KHDRBS2: variants seen among roughly 807,000 people sequenced by gnomAD.
The protein encoded by KHDRBS2 is KH domain-containing, RNA-binding, signal transduction-associated protein 2.
In KHDRBS2, 26 loss-of-function variants were observed where a neutral mutation model predicts 44.3. The ratio of observed to expected loss-of-function variants is 0.59; its 90% CI spans 0.43 to 0.81. The LOEUF is 0.81. Ranked by LOEUF, KHDRBS2 falls within the 40% of genes least tolerant of loss-of-function variation. The probability of loss-of-function intolerance (pLI) is 0.00; values close to 1 mark genes in which losing one functional copy is unlikely to be tolerated. For synonymous variants in KHDRBS2, 194 were observed against 151.1 expected (o/e 1.28, Z -2.08); for missense variants, 476 against 433.1 (o/e 1.10, Z -0.88).
At chr6:61,906,856 C>T (rs986813755) in intron 4 of KHDRBS2, among the ~76,000 whole-genome samples, 1 of 151,736 alleles carries the variant, frequency 6.6e-6, no homozygotes, top group African/African-American at 2.4e-5. Flanking sequence ...CTGCGATAAA[C>T]ATGGGCGTGC....
intron 4 of KHDRBS2, among the ~76,000 whole-genome samples, chr6:61,938,160 G>T (rs1308695218): frequency 6.6e-6 from 1 of 151,778 alleles, no homozygotes; most frequent in East Asian, 1.9e-4. Context: ...CTCTTCAAGG[G>T]GTTTACAATC....
intron 6 of KHDRBS2, among the ~76,000 whole-genome samples, chr6:61,813,070 T>C (rs1788379312): frequency 6.6e-6 from 1 of 152,116 alleles, no homozygotes; most frequent in South Asian, 2.1e-4. Flanking sequence ...TGTGTATATG[T>C]AAATTATATG....
At chr6:61,646,999 T>C in the KHDRBS2 span, among the ~76,000 whole-genome samples, 1 of 151,952 alleles carries the variant, frequency 6.6e-6, no homozygotes, top group Non-Finnish European at 1.5e-5. Context: ...TTTGTATGTT[T>C]ATAGAGATGG....
chr6:61,954,219 C>T (rs1303999470), intron 4 of KHDRBS2, among the ~76,000 whole-genome samples: 1 of 151,722 alleles, frequency 6.6e-6, no homozygotes, highest in Non-Finnish European at 1.5e-5. Context: ...TCTGATAACT[C>T]AGTCAATAGG....
At chr6:61,959,427 C>T (rs1246020423) in intron 4 of KHDRBS2, among the ~76,000 whole-genome samples, 4 of 152,100 alleles carry the variant, frequency 2.6e-5, no homozygotes, top group Non-Finnish European at 4.4e-5. Context: ...TTTTGTAGAC[C>T]AGTTCTGAAA....
At chr6:62,012,742 G>C (rs1780529912) in intron 3 of KHDRBS2, among the ~76,000 whole-genome samples, 1 of 152,090 alleles carries the variant, frequency 6.6e-6, no homozygotes, top group Non-Finnish European at 1.5e-5. Context: ...CACTATCTCA[G>C]AGAGGTCTTT....
the KHDRBS2 span, among the ~76,000 whole-genome samples, chr6:61,653,402 A>G: frequency 6.6e-6 from 1 of 152,096 alleles, no homozygotes; most frequent in African/African-American, 2.4e-5. Flanking sequence ...TTCTAAAAAT[A>G]TTTTAAAATA....
At chr6:61,564,278 G>C in the KHDRBS2 span, among the ~76,000 whole-genome samples, 1 of 152,078 alleles carries the variant, frequency 6.6e-6, no homozygotes, top group Non-Finnish European at 1.5e-5. Context: ...TATAAAGGTA[G>C]TAGAAGGTAA....
chr6:61,859,642 A>T lies in KHDRBS2; in HGVS notation c.810+34993T>A, dbSNP rs1407787397. Among the ~76,000 whole-genome samples the T allele has an allele frequency of 6.6e-5, 10 of 152,066 alleles. No individual in the cohort carries two copies. In the South Asian group the frequency reaches 1.9e-3, roughly 28 times the overall value. ...GCACTTTAAACCCAGGTCTCAATGG[A>T]GTTCCAAGGGTTCTCAGCTGGCACT... On this transcript the variant is annotated intron_variant, in intron 6 of 8. Transcript: ENST00000281156.
intron 2 of KHDRBS2, among the ~76,000 whole-genome samples, chr6:62,139,217 C>T (rs1812229303): frequency 6.6e-6 from 1 of 151,930 alleles, no homozygotes; most frequent in South Asian, 2.1e-4. Flanking sequence ...ATATATATTA[C>T]TTTGCAAAAA....
At chr6:62,215,040 C>T (rs1425148103) in intron 1 of KHDRBS2, among the ~76,000 whole-genome samples, 1 of 151,796 alleles carries the variant, frequency 6.6e-6, no homozygotes, top group Non-Finnish European at 1.5e-5. Flanking sequence ...TTGAATTTTC[C>T]ATTGTTTCCT....
chr6:61,715,485 A>G (rs141433860), intron 7 of KHDRBS2, among the ~76,000 whole-genome samples: 28 of 152,058 alleles, frequency 1.8e-4, no homozygotes, highest in Non-Finnish European at 3.8e-4. Context: ...ATTCTATAGT[A>G]ATGAATCATA....
At chr6:61,816,658 C>T (rs1469198278) in intron 6 of KHDRBS2, 33 of 441,894 alleles carry the variant, frequency 7.5e-5, no homozygotes, top group Admixed American at 1.9e-4. Context: ...CAAATACAAG[C>T]GTTATCTGTT....
chr6:62,072,104 T>C (rs1351632777), intron 2 of KHDRBS2, among the ~76,000 whole-genome samples: 3 of 152,186 alleles, frequency 2.0e-5, no homozygotes, highest in Non-Finnish European at 4.4e-5. Flanking sequence ...TTTGAAGCAA[T>C]TGTGAATGGG....
the KHDRBS2 span, among the ~76,000 whole-genome samples, chr6:61,575,943 C>T: frequency 4.0e-5 from 6 of 151,874 alleles, no homozygotes; most frequent in South Asian, 6.2e-4. Context: ...TGAACTTTGG[C>T]GAATTAGAGG....
intron 6 of KHDRBS2, among the ~76,000 whole-genome samples, chr6:61,876,563 C>A (rs888752284): frequency 2.0e-5 from 3 of 152,012 alleles, no homozygotes; most frequent in African/African-American, 4.8e-5. Flanking sequence ...CTGCCTGGTG[C>A]CTTCATCACC....
chr6:61,959,027 T>C (rs1768039802), intron 4 of KHDRBS2, among the ~76,000 whole-genome samples: 1 of 152,190 alleles, frequency 6.6e-6, no homozygotes, highest in Non-Finnish European at 1.5e-5. Context: ...CTGGTGTCAC[T>C]TCAACAACGT....
chr6:62,150,765 C>T (rs1366654478), intron 2 of KHDRBS2, among the ~76,000 whole-genome samples: 3 of 152,152 alleles, frequency 2.0e-5, no homozygotes, highest in African/African-American at 7.2e-5. Flanking sequence ...GTTATCTCAG[C>T]TTTGTGTCAC....
intron 2 of KHDRBS2, among the ~76,000 whole-genome samples, chr6:62,175,217 T>C (rs1820850120): frequency 6.6e-6 from 1 of 151,636 alleles, no homozygotes; most frequent in Admixed American, 6.6e-5. Flanking sequence ...AGTTATCTTA[T>C]GTGTGATAAT....
Sources: gnomAD v4.1 joint callset for allele counts (sites outside exome capture counted in the v4.1 genomes callset) on GRCh38, gnomAD v4.1.1 for gene constraint, MANE v1.5 for transcripts, NCBI Gene and HGNC (gene_info 2026-07-23, HGNC 2026-07-21) for gene names.